The following CFI variants were observed in gnomAD, a reference collection of about 807,000 sequenced individuals.
CFI encodes C3B/C4B inactivator.
In CFI, 66 loss-of-function variants were observed where a neutral mutation model predicts 78.8. The observed-to-expected ratio is 0.84, with a 90% CI of 0.69 to 1.03. The LOEUF is 1.03. Ranked by LOEUF, CFI falls within the 50% of genes least tolerant of loss-of-function variation. The pLI, the probability that CFI is intolerant of heterozygous loss-of-function variation, is 0.00. For synonymous variants in CFI, 250 were observed against 232.6 expected, an observed-to-expected ratio of 1.07 and a Z score of -0.68; for missense variants, 706 against 704.5, an observed-to-expected ratio of 1.00 and a Z score of -0.02.
chr4:109,798,028 G>T (rs1344165439), intron 1 of CFI, among the ~76,000 whole-genome samples: 2 of 152,186 alleles, frequency 1.3e-5, no homozygotes, highest in African/African-American at 4.8e-5. Context: ...CCTGCCATTT[G>T]TGACAATATG....
At chr4:109,736,420 CTTAAG>C (rs1303393979), downstream of CFI, among the ~76,000 whole-genome samples, 2 of 150,884 alleles carry the variant, frequency 1.3e-5, no homozygotes, top group Admixed American at 6.6e-5. Flanking sequence ...TAAAAGGGAA[CTTAAG>C]TTAAAGAGAA....
Position 109,746,329 on chromosome 4 carries a change from T to A in CFI, c.1322A>T (p.Lys441Ile). The A allele has an allele frequency of 1.2e-6, 2 of 1,614,214 alleles. No individual in the cohort carries two copies. Among genetic ancestry groups the A allele is most frequent in the Non-Finnish European group, 1.7e-6 (2 of 1,180,032 alleles). Residue 441 changes from lysine to isoleucine, a missense_variant, in exon 11 of 13, where the codon AAA (lysine) becomes ATA (isoleucine). By Grantham distance (102) the Lys-to-Ile change is moderately radical. Coordinates refer to ENST00000394634, the MANE Select transcript of CFI (RefSeq NM_000204.5). Reference protein sequence around the residue: ...ALIEMKKDGNKKDCELPRSIP... With the variant: ...ALIEMKKDGNIKDCELPRSIP... ...GGAACGAGGCAGCTCACAATCTTTT[T>A]TGTTTCCGTCTTTTTTCATTTCAAT...
downstream of CFI, among the ~76,000 whole-genome samples, chr4:109,739,202 G>A (rs1018524373): frequency 4.6e-5 from 7 of 151,822 alleles, no homozygotes; most frequent in African/African-American, 1.7e-4. Context: ...ATCCAAGACT[G>A]GCCCTAAATA....
At position 109,794,652 on chromosome 4, in the gene CFI, G is replaced by A. The variant is rs939202898; in HGVS notation, c.57+7263C>T. On this transcript the variant is annotated intron_variant, in intron 1 of 12. Transcript: ENST00000394634. The stretch of plus-strand genomic sequence containing the variant: ...TACTAAAAATACAAAAATTAGCTGG[G>A]TGTGGTGGTGGGCACCTGTAATTCC... Among the ~76,000 whole-genome samples the A allele has an allele frequency of 2.6e-5, 4 of 152,028 alleles. 1 individual carries two copies. The highest frequency in any genetic ancestry group is 5.9e-5 in the Non-Finnish European group (4 of 68,036).
intron 6 of CFI, 166 bp from the exon 7 acceptor site, chr4:109,757,949 A>C: frequency 6.8e-7 from 1 of 1,466,106 alleles, no homozygotes; most frequent in Non-Finnish European, 9.1e-7. Flanking sequence ...GAATTGTAGG[A>C]TGTCTAGCTG....
chr4:109,760,226 T>C (rs1388317333), intron 6 of CFI, 44 bp downstream of exon 6: 2 of 1,364,286 alleles, frequency 1.5e-6, no homozygotes, highest in Middle Eastern at 3.6e-4. Context: ...TCAGAATCCC[T>C]GGATTCAATA....
intron 1 of CFI, among the ~76,000 whole-genome samples, chr4:109,800,004 T>C (rs985025163): frequency 3.3e-5 from 5 of 152,216 alleles, no homozygotes; most frequent in Admixed American, 3.3e-4. Context: ...GAGTTCTAAA[T>C]AAAGTTGGTT....
intron 1 of CFI, among the ~76,000 whole-genome samples, chr4:109,774,705 T>C (rs1729005697): frequency 6.6e-6 from 1 of 151,566 alleles, no homozygotes; most frequent in Non-Finnish European, 1.5e-5. Context: ...GCAGAACTAG[T>C]AAAGGAGACT....
chr4:109,777,334 A>G (rs577490453), intron 1 of CFI, among the ~76,000 whole-genome samples: 1 of 152,304 alleles, frequency 6.6e-6, no homozygotes, highest in East Asian at 1.9e-4. Context: ...TTGCAATCCT[A>G]GTCTCGGATA....
chr4:109,779,376 A>G (rs1260315315), intron 1 of CFI, among the ~76,000 whole-genome samples: 6 of 152,190 alleles, frequency 3.9e-5, no homozygotes, highest in Admixed American at 3.9e-4. Context: ...GTGAACTCCC[A>G]TTCACAATTG....
At chr4:109,771,255 TA>T (rs892996588) in intron 1 of CFI, among the ~76,000 whole-genome samples, 2 of 149,882 alleles carry the variant, frequency 1.3e-5, no homozygotes, top group African/African-American at 2.5e-5. Flanking sequence ...AAAAAATAAA[TA>T]AAAAAAATTA....
chr4:109,734,006 T>C, the CFI span, among the ~76,000 whole-genome samples: 1 of 151,506 alleles, frequency 6.6e-6, no homozygotes, highest in Non-Finnish European at 1.5e-5. Flanking sequence ...CTTATCTCTA[T>C]AAAAAAAATA....
At chr4:109,768,490 T>C (rs1426766124) in intron 1 of CFI, among the ~76,000 whole-genome samples, 1 of 152,158 alleles carries the variant, frequency 6.6e-6, no homozygotes, top group Non-Finnish European at 1.5e-5. Context: ...TTTGCAAGAT[T>C]AGAAATACTA....
chr4:109,731,217 G>T, the CFI span, among the ~76,000 whole-genome samples: 2 of 152,168 alleles, frequency 1.3e-5, no homozygotes, highest in Non-Finnish European at 2.9e-5. Context: ...GTGGTGGCGG[G>T]CACCTGTAAT....
intron 1 of CFI, among the ~76,000 whole-genome samples, chr4:109,795,155 G>A (rs563421782): frequency 3.9e-5 from 6 of 152,276 alleles, no homozygotes; most frequent in Admixed American, 3.3e-4. Flanking sequence ...TCTCTTGTGG[G>A]GGAAAAAGAG....
intron 7 of CFI, among the ~76,000 whole-genome samples, chr4:109,754,894 A>T (rs1725938406): frequency 6.6e-6 from 1 of 152,212 alleles, no homozygotes; most frequent in African/African-American, 2.4e-5. Context: ...ATCAAAGCTG[A>T]GGTGTACTAG....
chr4:109,797,913 G>T (rs192120446), intron 1 of CFI, among the ~76,000 whole-genome samples: 118 of 152,304 alleles, frequency 7.7e-4, no homozygotes, highest in South Asian at 1.9e-3. Flanking sequence ...TGTAGCTGAG[G>T]ATATGCAGAA....
chr4:109,787,814 T>C (rs1730926531), intron 1 of CFI, among the ~76,000 whole-genome samples: 1 of 152,034 alleles, frequency 6.6e-6, no homozygotes, highest in African/African-American at 2.4e-5. Context: ...AGTTTTCTGG[T>C]CTTGTTTTTT....
the CFI span, among the ~76,000 whole-genome samples, chr4:109,732,934 C>T: frequency 6.6e-6 from 1 of 151,692 alleles, no homozygotes; most frequent in Non-Finnish European, 1.5e-5. Flanking sequence ...GACTGTGGGG[C>T]CTTGTGCCAC....
Sources: allele counts gnomAD v4.1 joint callset (sites outside exome capture counted in the v4.1 genomes callset), GRCh38; gene constraint gnomAD v4.1.1; transcripts MANE v1.5; gene names NCBI Gene and HGNC (gene_info 2026-07-23, HGNC 2026-07-21).